SORCS2: variants seen among roughly 807,000 people sequenced by gnomAD.
The protein encoded by SORCS2 is VPS10 domain-containing receptor SorCS2.
Under a neutral mutation model 141.6 loss-of-function variants are expected in SORCS2, and 100 were observed. The ratio of observed to expected loss-of-function variants is 0.71; its 90% confidence interval spans 0.60 to 0.83. The LOEUF (loss-of-function observed/expected upper bound fraction) is 0.83, where lower values mean the gene tolerates loss of function less well. Ranked by LOEUF, SORCS2 falls within the 40% of genes least tolerant of loss-of-function variation. The pLI is 0.00. For missense variants in SORCS2, 1,646 were observed against 1,560.2 expected (o/e 1.05, Z -0.93); for synonymous variants, 789 against 676.9 (o/e 1.17, Z -2.57).
intron 1 of SORCS2, among the ~76,000 whole-genome samples, chr4:7,310,676 A>C (rs2108920581): frequency 6.6e-6 from 1 of 152,360 alleles, no homozygotes; most frequent in East Asian, 1.9e-4. Context: ...GGCACAAGGC[A>C]GACGGGAGCT....
At chr4:7,416,211 G>T (rs904801284) in intron 2 of SORCS2, among the ~76,000 whole-genome samples, 1 of 152,136 alleles carries the variant, frequency 6.6e-6, no homozygotes, top group Non-Finnish European at 1.5e-5. Flanking sequence ...TTGTGGACTC[G>T]AGCAAACATT....
intron 2 of SORCS2, among the ~76,000 whole-genome samples, chr4:7,400,292 G>A (rs2109123474): frequency 6.6e-6 from 1 of 152,278 alleles, no homozygotes; most frequent in Non-Finnish European, 1.5e-5. Flanking sequence ...GCTGCTGCCT[G>A]GAGTGCATGT....
chr4:7,380,203 C>T (rs1180100764), intron 1 of SORCS2, among the ~76,000 whole-genome samples: 2 of 152,210 alleles, frequency 1.3e-5, no homozygotes, highest in African/African-American at 4.8e-5. Context: ...CTGGAGCCTC[C>T]ACAGGAGCCT....
At chr4:7,427,682 C>A (rs1272353264) in intron 2 of SORCS2, among the ~76,000 whole-genome samples, 1 of 151,996 alleles carries the variant, frequency 6.6e-6, no homozygotes, top group Non-Finnish European at 1.5e-5. Flanking sequence ...AGCTTCCAGT[C>A]ATGATGGGAG....
intron 1 of SORCS2, among the ~76,000 whole-genome samples, chr4:7,305,361 GT>G (rs5855954): frequency 0.65 from 89,902 of 137,698 alleles, 29,555 homozygotes; most frequent in Middle Eastern, 0.75. Context: ...TTCTACTTTA[GT>G]TTTTTTTTTT....
At chr4:7,677,785 A>T (rs567696176) in intron 9 of SORCS2, among the ~76,000 whole-genome samples, 1 of 152,284 alleles carries the variant, frequency 6.6e-6, no homozygotes, top group South Asian at 2.1e-4. Flanking sequence ...CCAGCAGACG[A>T]TGCAGATGCA....
chr4:7,257,710 T>A (rs76215147), intron 1 of SORCS2, among the ~76,000 whole-genome samples: 5,528 of 152,274 alleles, frequency 0.036, 149 homozygotes, highest in Non-Finnish European at 0.057. Flanking sequence ...AAAGGTGCCA[T>A]GTGCTCTACC....
chr4:7,433,680 C>G lies in SORCS2; in HGVS notation c.548+37325C>G, dbSNP rs763125804. 6.2e-7 allele frequency: 1 copy of G among 1,612,392 alleles called. No homozygotes were observed. Among genetic ancestry groups the G allele is most frequent in the Non-Finnish European group, 8.5e-7 (1 of 1,179,208 alleles). ...TGTGGGAGGACACCGTGAGCAGCCT[C>G]TTGCACCCATTGCAGAAGCTGCCCT... On this transcript the variant is annotated intron_variant, in intron 2 of 26. Transcript: ENST00000507866.
chr4:7,288,549 G>A (rs1168052874), intron 1 of SORCS2, among the ~76,000 whole-genome samples: 1 of 119,212 alleles, frequency 8.4e-6, no homozygotes, highest in Admixed American at 8.1e-5. Flanking sequence ...TCTCCCAGGG[G>A]CGGGGGGCGG....
At chr4:7,729,803 A>G in intron 23 of SORCS2, 91 bp downstream of exon 23, 3 of 1,509,618 alleles carry the variant, frequency 2.0e-6, no homozygotes, top group East Asian at 4.8e-5. Context: ...TCAGTGGCTC[A>G]TGGCATAAAG....
At chr4:7,470,922 G>A (rs1394260700) in intron 2 of SORCS2, among the ~76,000 whole-genome samples, 1 of 150,472 alleles carries the variant, frequency 6.6e-6, no homozygotes, top group Non-Finnish European at 1.5e-5. Flanking sequence ...TCAGAGTGAT[G>A]AGGAGGAGGC....
chr4:7,225,048 A>T (rs1191732220), intron 1 of SORCS2, among the ~76,000 whole-genome samples: 1 of 152,228 alleles, frequency 6.6e-6, no homozygotes, highest in Non-Finnish European at 1.5e-5. Flanking sequence ...TATACAAAAT[A>T]TGTTGGCAGA....
rs562102838 is a variant in SORCS2 at position 7,546,143 on chromosome 4, G to A, written c.648+14514G>A. On this transcript the variant is annotated intron_variant, in intron 3 of 26. Transcript: ENST00000507866. ...GGGGTTCAGCCTGTGAACTGGGGAG[G>A]AATACAACATTCAGTCCATTGCAGC... Among the ~76,000 whole-genome samples the A allele has an allele frequency of 2.6e-5, 4 of 152,264 alleles. No individual in the cohort carries two copies. In the South Asian group the frequency reaches 8.3e-4, roughly 32 times the overall value.
chr4:7,395,131 C>T (rs17758463), intron 1 of SORCS2, among the ~76,000 whole-genome samples: 8,524 of 141,552 alleles, frequency 0.06, 275 homozygotes, highest in African/African-American at 0.068. Context: ...AAATCATCGC[C>T]GCCTGTAAGA....
rs369739836 is a variant in SORCS2, at chr4:7,549,719, G to T, written c.648+18090G>T. 3.9e-5 allele frequency among the ~76,000 whole-genome samples: 6 copies of T among 152,326 alleles called. No homozygotes were observed. The East Asian group carries it at 5.8e-4, about 15-fold the overall frequency. ...GTTCCTTTCTGCCTGCCCACAGCCC[G>T]CTGCGCACACACAGAGTTCCTCCTT... On this transcript the variant is annotated intron_variant, in intron 3 of 26. Transcript: ENST00000507866.
Position 7,664,532 on chromosome 4 carries a change from C to A in SORCS2, c.1071+61C>A. The A allele has an allele frequency of 4.0e-6, 5 of 1,261,946 alleles. No homozygotes were observed. Among genetic ancestry groups the A allele is most frequent in the South Asian group, 2.7e-5 (2 of 72,774 alleles). 78.2% of individuals were successfully genotyped at this position (1,261,946 alleles called of 1,614,324 possible). On this transcript the variant is annotated intron_variant, in intron 7 of 26. Coordinates refer to ENST00000507866, the MANE Select transcript of SORCS2 (RefSeq NM_020777.3). The surrounding 1 kb of genome is among the most constrained non-coding windows in gnomAD (Gnocchi z 4.7). ...CAGGTGACGTGGCGGATGACCCGTT[C>A]GCGGCAAAAATGGCATCGCTCAGAA...
chr4:7,739,015 G>A (rs564103049), intron 26 of SORCS2, among the ~76,000 whole-genome samples: 116 of 152,250 alleles, frequency 7.6e-4, no homozygotes, highest in African/African-American at 2.6e-3. Context: ...GGTACTTCAC[G>A]GAGCGCTCGC....
chr4:7,230,829 G>C (rs1239968229), intron 1 of SORCS2, among the ~76,000 whole-genome samples: 7 of 138,322 alleles, frequency 5.1e-5, no homozygotes, highest in Admixed American at 1.4e-4. Context: ...GGAGCAGTGT[G>C]GTGTGCTCAT....
At chr4:7,245,408 A>AT (rs1028100467) in intron 1 of SORCS2, among the ~76,000 whole-genome samples, 6 of 152,120 alleles carry the variant, frequency 3.9e-5, no homozygotes, top group Non-Finnish European at 8.8e-5. Context: ...CTGATATGGA[A>AT]TTTTTCTGGT....
Sources: gnomAD v4.1 joint callset for allele counts (sites outside exome capture counted in the v4.1 genomes callset) on GRCh38, gnomAD v4.1.1 for gene constraint, Gnocchi (gnomAD v3.1) non-coding constraint, MANE v1.5 for transcripts, NCBI Gene and HGNC (gene_info 2026-07-23, HGNC 2026-07-21) for gene names.